The following MTERF4 variants were observed in gnomAD, a reference collection of about 807,000 sequenced individuals.
The protein encoded by MTERF4 is mitochondrial transcription termination factor 4, also known as transcription termination factor 4, mitochondrial.
MTERF4 carries 17 observed loss-of-function variants against 22.5 expected under a neutral mutation model. The ratio of observed to expected loss-of-function variants is 0.75; its 90% CI spans 0.52 to 1.13. MTERF4 has a LOEUF of 1.13. MTERF4 is among the 50% of genes most tolerant of loss of function. The pLI, the probability that MTERF4 is intolerant of heterozygous loss-of-function variation, is 0.00. For missense variants in MTERF4, 420 were observed against 466.8 expected, an observed-to-expected ratio of 0.90 and a Z score of 0.92; for synonymous variants, 165 against 175.3, an observed-to-expected ratio of 0.94 and a Z score of 0.47.
the MTERF4 span, among the ~76,000 whole-genome samples, chr2:241,056,397 T>A: frequency 6.6e-6 from 1 of 151,952 alleles, no homozygotes; most frequent in African/African-American, 2.4e-5. Context: ...ATTACAGGCA[T>A]GAACCACTGT....
chr2:241,063,879 C>T, the MTERF4 span: 10 of 660,048 alleles, frequency 1.5e-5, no homozygotes, highest in Admixed American at 7.8e-5. Context: ...GGCTGAGGGG[C>T]GGGACCTGCC....
the MTERF4 span, among the ~76,000 whole-genome samples, chr2:241,050,708 G>T: frequency 6.6e-6 from 1 of 152,168 alleles, no homozygotes; most frequent in Admixed American, 6.5e-5. Flanking sequence ...CTCTGACGAG[G>T]TCTTTGTCTC....
the MTERF4 span, among the ~76,000 whole-genome samples, chr2:241,061,092 A>G: frequency 3.3e-5 from 5 of 152,194 alleles, no homozygotes; most frequent in African/African-American, 1.2e-4. Context: ...AAATCCATAA[A>G]CCTTAAGAAA....
chr2:241,053,418 C>T, the MTERF4 span: 1 of 1,318,878 alleles, frequency 7.6e-7, no homozygotes, highest in Non-Finnish European at 1.0e-6. Context: ...CAGGCCCAAG[C>T]CTGGATGCCC....
chr2:241,076,822 T>G (rs1375797644), intron 4 of MTERF4, among the ~76,000 whole-genome samples: 1 of 151,744 alleles, frequency 6.6e-6, no homozygotes, highest in Non-Finnish European at 1.5e-5. Context: ...CCGGGCGCAG[T>G]GGCTCAGGCC....
rs1023047826 is a variant in MTERF4 at position 241,075,687 on chromosome 2, T to C, written n.480-5A>G. ...CCCTGTTCTTGGTGGTACTTCCTAA[T>C]AGAGAAAAGTTCATAATCAAATTTA... is the stretch of plus-strand genomic sequence containing the variant. On this transcript the variant is annotated splice_polypyrimidine_tract_variant and splice_region_variant and intron_variant and non_coding_transcript_variant, in intron 4 of 4. Transcript: ENST00000464344. The surrounding 1 kb of genome is among the most constrained non-coding windows in gnomAD (Gnocchi z 4.8). 1.3e-5 allele frequency: 2 copies of C among 152,202 alleles called. No homozygotes were observed. The highest frequency in any genetic ancestry group is 2.4e-5 in the African/African-American group (1 of 41,458). The allele number at this position is 152,202 out of a possible 1,614,324, so 9.4% of individuals were successfully genotyped here.
chr2:241,069,611 G>A (rs745882470), downstream of MTERF4, among the ~76,000 whole-genome samples: 38 of 152,158 alleles, frequency 2.5e-4, 1 homozygote, highest in South Asian at 4.1e-4. The surrounding 1 kb of genome is among the most constrained non-coding windows in gnomAD (Gnocchi z 4.9). Context: ...AGGGCTCCAC[G>A]CAGCCAGGCT....
intron 3 of MTERF4, 178 bp downstream of exon 3, chr2:241,097,065 T>C (rs1259947077): frequency 3.0e-6 from 2 of 662,126 alleles, no homozygotes; most frequent in Non-Finnish European, 5.2e-6. Context: ...CACTCAAATA[T>C]GAGGTGTCCG....
the MTERF4 span, among the ~76,000 whole-genome samples, chr2:241,056,536 G>GA: frequency 7.0e-6 from 1 of 143,836 alleles, no homozygotes; most frequent in Non-Finnish European, 1.5e-5. Flanking sequence ...AGATCAGAGA[G>GA]AAAAAATAAT....
chr2:241,071,836 A>G, downstream of MTERF4: 1 of 1,604,790 alleles, frequency 6.2e-7, no homozygotes, highest in Non-Finnish European at 8.5e-7. Flanking sequence ...AGTGAGCGCC[A>G]GGTTCGGTGG....
chr2:241,102,217 G>A lies in MTERF4; in HGVS notation c.21+36C>T, dbSNP rs1162916499. 3.9e-6 allele frequency: 6 copies of A among 1,547,946 alleles called. No individual in the cohort carries two copies. The South Asian group carries it at 6.0e-5, about 15-fold the overall frequency. On this transcript the variant is annotated intron_variant, in intron 1 of 3. Coordinates refer to ENST00000391980, the MANE Select transcript of MTERF4 (RefSeq NM_182501.4). ...TCTGCGTCGCTGCCCGCCCGCCTGC[G>A]ACCCGGAGAAGCCCGCGCGCCCAGC...
At chr2:241,071,802 G>A (rs371256220), downstream of MTERF4, 75 of 1,594,560 alleles carry the variant, frequency 4.7e-5, no homozygotes, top group Non-Finnish European at 5.7e-5. Flanking sequence ...GCAGGTTCTC[G>A]GAGCTTGTGG....
chr2:241,081,604 G>A, intron 4 of MTERF4: 2 of 1,151,284 alleles, frequency 1.7e-6, no homozygotes, highest in South Asian at 2.6e-5. Flanking sequence ...TCAAGGAAGG[G>A]ACAGCAACAT....
At chr2:241,070,286 G>T, downstream of MTERF4, 1 of 1,373,984 alleles carries the variant, frequency 7.3e-7, no homozygotes, top group Non-Finnish European at 9.7e-7. Context: ...CCCTGCAGGG[G>T]CCTGGGATGC....
chr2:241,072,528 A>T (rs2062782731), exon 5 of MTERF4: 2 of 330,128 alleles, frequency 6.1e-6, no homozygotes, highest in Admixed American at 8.9e-5. Context: ...GAACTCCCCA[A>T]CAGAGCCTAG....
the MTERF4 span, chr2:241,048,245 G>C: frequency 6.7e-7 from 1 of 1,482,644 alleles, no homozygotes; most frequent in East Asian, 2.4e-5. Flanking sequence ...GGTGCCATTG[G>C]AGCTGGGCGG....
At position 241,096,184 on chromosome 2, in the gene MTERF4, C is replaced by G; in HGVS notation, c.960G>C (p.Leu320=). ...TCTCAGACTCCTCCTCCTCCCGAGC[C>G]AGGAGCTTCTTAAAAACTTGAAACT... ...VEEFQVFKKL[L]AREEEESESS... Residue 320 remains leucine, a synonymous_variant, in exon 4 of 4, where the codon CTG becomes CTC. Transcript: ENST00000391980. The surrounding 1 kb of genome is among the most constrained non-coding windows in gnomAD (Gnocchi z 5.1). The G allele has an allele frequency of 6.2e-7, 1 of 1,614,182 alleles. No individual in the cohort carries two copies. The highest frequency in any genetic ancestry group is 8.5e-7 in the Non-Finnish European group (1 of 1,180,042).
the MTERF4 span, among the ~76,000 whole-genome samples, chr2:241,057,515 T>G: frequency 6.7e-6 from 1 of 149,808 alleles, no homozygotes; most frequent in African/African-American, 2.5e-5. Context: ...AGACCCCAAC[T>G]CTACAAAAAA....
intron 2 of MTERF4, among the ~76,000 whole-genome samples, chr2:241,098,814 C>T (rs1187901962): frequency 6.6e-6 from 1 of 152,158 alleles, no homozygotes; most frequent in African/African-American, 2.4e-5. Context: ...ACCATATGCC[C>T]ACCACTGCAC....
Sources: allele counts gnomAD v4.1 joint callset (sites outside exome capture counted in the v4.1 genomes callset), GRCh38; gene constraint gnomAD v4.1.1; non-coding constraint Gnocchi (gnomAD v3.1); transcripts MANE v1.5; gene names NCBI Gene and HGNC (gene_info 2026-07-23, HGNC 2026-07-21).